The following ARSG variants were observed in gnomAD, a reference collection of about 807,000 sequenced individuals.
The protein encoded by ARSG is arylsulfatase G.
ARSG carries 37 observed loss-of-function variants against 50.5 expected under a neutral mutation model. The ratio of observed to expected loss-of-function variants is 0.73; its 90% CI spans 0.56 to 0.96. ARSG has a LOEUF of 0.96. Ranked by LOEUF, ARSG falls within the 50% of genes least tolerant of loss-of-function variation. The pLI, the probability that ARSG is intolerant of heterozygous loss-of-function variation, is 0.00. For missense variants in ARSG, 629 were observed against 675.3 expected (o/e 0.93, Z 0.76); for synonymous variants, 225 against 254.6 (o/e 0.88, Z 1.11).
intron 8 of ARSG, among the ~76,000 whole-genome samples, chr17:68,374,767 A>C (rs2080060628): frequency 6.6e-6 from 1 of 151,378 alleles, no homozygotes. Flanking sequence ...CAGGAGAATC[A>C]CTTGAACCTG....
intron 6 of ARSG, among the ~76,000 whole-genome samples, chr17:68,359,036 G>C (rs970306965): frequency 2.6e-5 from 4 of 151,732 alleles, no homozygotes; most frequent in African/African-American, 9.7e-5. Flanking sequence ...GGTGGCGGAC[G>C]CCTGTAGTCC....
intron 11 of ARSG, among the ~76,000 whole-genome samples, chr17:68,410,447 C>A (rs1278059163): frequency 6.7e-6 from 1 of 149,676 alleles, no homozygotes; most frequent in Non-Finnish European, 1.5e-5. Flanking sequence ...GTATATTGAA[C>A]CAGCCTTGCA....
intron 9 of ARSG, among the ~76,000 whole-genome samples, chr17:68,387,587 C>T (rs2080790442): frequency 6.6e-6 from 1 of 152,176 alleles, no homozygotes. Context: ...TTTCTCTTTC[C>T]CTTGACACCT....
chr17:68,345,643 A>G (rs912278336), intron 3 of ARSG, among the ~76,000 whole-genome samples: 3 of 152,178 alleles, frequency 2.0e-5, no homozygotes, highest in Non-Finnish European at 2.9e-5. Context: ...TCCTTTTACA[A>G]CACTCACACT....
At chr17:68,291,748 C>G (rs1555756167) in intron 1 of ARSG, among the ~76,000 whole-genome samples, 180 bp downstream of exon 1, 1 of 151,726 alleles carries the variant, frequency 6.6e-6, no homozygotes, top group African/African-American at 2.4e-5. Context: ...TGCCTGCATC[C>G]TGTCTCGGAG....
At chr17:68,366,677 A>G (rs28449784) in intron 6 of ARSG, among the ~76,000 whole-genome samples, 13,532 of 148,310 alleles carry the variant, frequency 0.091, 782 homozygotes, top group African/African-American at 0.17. Context: ...GAATTTATGT[A>G]TGTGTGTGTG....
At position 68,343,615 on chromosome 17, in the gene ARSG, T is replaced by C; in HGVS notation, c.230T>C (p.Phe77Ser). Residue 77 changes from phenylalanine to serine, a missense_variant, in exon 3 of 12, where the codon TTC becomes TCC. Transcript: ENST00000621439. ...MASEGMRFVD[F>S]HAAASTCSPS... ...TCCTTTCCCTGCAGGTTTGTGGATTTCCATGCAGCTGCCTCCACCTGCTCA... is the reference window on the plus strand; with the variant it reads ...TCCTTTCCCTGCAGGTTTGTGGATTCCCATGCAGCTGCCTCCACCTGCTCA... The C allele has an allele frequency of 6.2e-7, 1 of 1,609,518 alleles. No homozygotes were observed. Among genetic ancestry groups the C allele is most frequent in the Non-Finnish European group, 8.5e-7 (1 of 1,177,084 alleles).
In ARSG at chr17:68,420,180, C is replaced by T; in HGVS notation, c.1304-9C>T. 1 of 1,612,770 alleles carries T rather than the reference C, an allele frequency of 6.2e-7. No homozygotes were observed. Among genetic ancestry groups the T allele is most frequent in the Non-Finnish European group, 8.5e-7 (1 of 1,179,406 alleles). On this transcript the variant is annotated splice_polypyrimidine_tract_variant and intron_variant, in intron 11 of 11. Transcript: ENST00000621439. ...GTTAGCGAGGCATTTGTTGTCATTC[C>T]CTCTCTAGGTGGAGCCAGGGCGTGT... is the stretch of plus-strand genomic sequence containing the variant.
chr17:68,439,426 G>C, the ARSG span, among the ~76,000 whole-genome samples: 1 of 152,074 alleles, frequency 6.6e-6, no homozygotes, highest in African/African-American at 2.4e-5. Flanking sequence ...CCAGAATAGA[G>C]AAATCCATAA....
the ARSG span, among the ~76,000 whole-genome samples, chr17:68,438,026 A>G: frequency 6.7e-6 from 1 of 150,274 alleles, no homozygotes; most frequent in Admixed American, 6.7e-5. Context: ...TTCTAAAAGT[A>G]TAAGAAAAAA....
intron 10 of ARSG, among the ~76,000 whole-genome samples, chr17:68,396,967 G>A (rs1206800347): frequency 1.3e-5 from 2 of 152,184 alleles, no homozygotes; most frequent in Non-Finnish European, 2.9e-5. Context: ...TCATTGGAGA[G>A]GTGCTCCGGA....
At chr17:68,444,849 C>T in the ARSG span, among the ~76,000 whole-genome samples, 2 of 151,120 alleles carry the variant, frequency 1.3e-5, no homozygotes, top group Non-Finnish European at 2.9e-5. Context: ...CTTCCTTCTT[C>T]CCTCCCTCCA....
chr17:68,292,061 G>T (rs1436717740), intron 1 of ARSG, among the ~76,000 whole-genome samples: 1 of 151,966 alleles, frequency 6.6e-6, no homozygotes, highest in Middle Eastern at 3.2e-3. Context: ...TCCCCTTCCG[G>T]CAGTGGGGAG....
At chr17:68,301,169 C>T (rs1356616751) in intron 1 of ARSG, among the ~76,000 whole-genome samples, 2 of 151,866 alleles carry the variant, frequency 1.3e-5, no homozygotes, top group Admixed American at 1.3e-4. Context: ...CTCTCCCAGG[C>T]TGGATAGAGG....
intron 2 of ARSG, among the ~76,000 whole-genome samples, chr17:68,309,487 C>T (rs782654965): frequency 2.6e-5 from 4 of 152,218 alleles, no homozygotes; most frequent in Admixed American, 6.5e-5. Context: ...ATCACTGGAG[C>T]CCAGGAGTTC....
intron 1 of ARSG, among the ~76,000 whole-genome samples, chr17:68,304,962 C>T (rs1247449270): frequency 3.3e-5 from 5 of 152,048 alleles, no homozygotes; most frequent in African/African-American, 1.2e-4. Flanking sequence ...TCACTTGAAC[C>T]CAGGAGTTCC....
rs781247590 is a variant in ARSG at position 68,346,917 on chromosome 17, G to A, written c.407-208G>A. Reference sequence around the variant, plus strand: ...CCTTTCACTGTGGTTTCCCGTGTGAGTCTGGGGTCATCCTTTATGTGTCCC... The same window carrying A: ...CCTTTCACTGTGGTTTCCCGTGTGAATCTGGGGTCATCCTTTATGTGTCCC... On this transcript the variant is annotated intron_variant, in intron 3 of 11. Coordinates refer to ENST00000621439, the MANE Select transcript of ARSG (RefSeq NM_001267727.2). 15 of 1,490,600 alleles carry A rather than the reference G, an allele frequency of 1.0e-5. No homozygotes were observed. In the Admixed American group the frequency reaches 2.8e-4, roughly 28 times the overall value. 92.3% of individuals were successfully genotyped at this position (1,490,600 alleles called of 1,614,324 possible). A position where few individuals can be genotyped will look rare whatever the true frequency, so the allele number is the denominator to read the frequency against.
At chr17:68,283,385 G>T (rs992203458) in intron 1 of ARSG, among the ~76,000 whole-genome samples, 3 of 152,016 alleles carry the variant, frequency 2.0e-5, no homozygotes, top group Non-Finnish European at 4.4e-5. Context: ...GCCAGGCGTG[G>T]TGGCGGGCGC....
At chr17:68,403,531 CT>C (rs975510223) in intron 11 of ARSG, among the ~76,000 whole-genome samples, 3 of 152,284 alleles carry the variant, frequency 2.0e-5, no homozygotes, top group Admixed American at 2.0e-4. Flanking sequence ...ATTCCAGTTA[CT>C]TACAACTGCT....
Sources: gnomAD v4.1 joint callset for allele counts (sites outside exome capture counted in the v4.1 genomes callset) on GRCh38, gnomAD v4.1.1 for gene constraint, MANE v1.5 for transcripts, NCBI Gene and HGNC (gene_info 2026-07-23, HGNC 2026-07-21) for gene names.